Variants in KDM5A observed in about 807,000 individuals in gnomAD.
KDM5A encodes the protein lysine demethylase 5A.
KDM5A carries 42 observed loss-of-function variants against 193.5 expected under a neutral mutation model. That is an observed-to-expected ratio of 0.22 (90% CI 0.17 to 0.28). KDM5A has a LOEUF of 0.28. Ranked by LOEUF, KDM5A falls within the 10% of genes least tolerant of loss-of-function variation. KDM5A has a pLI of 1.00. For synonymous variants in KDM5A, 796 were observed against 718.1 expected (o/e 1.11, Z -1.73); for missense variants, 1,692 against 2,055.1 (o/e 0.82, Z 3.42).
At chr12:323,993 A>C (rs1457903477) in intron 14 of KDM5A, among the ~76,000 whole-genome samples, 1 of 152,202 alleles carries the variant, frequency 6.6e-6, no homozygotes, top group African/African-American at 2.4e-5. Flanking sequence ...CTAAGGATGC[A>C]CATTTGAGTG....
At chr12:344,114 C>T (rs1944040478) in intron 10 of KDM5A, among the ~76,000 whole-genome samples, 1 of 152,118 alleles carries the variant, frequency 6.6e-6, no homozygotes, top group African/African-American at 2.4e-5. Context: ...AACTTCATTA[C>T]ACATGCACAA....
At chr12:362,206 T>C (rs1944301533) in intron 5 of KDM5A, among the ~76,000 whole-genome samples, 1 of 151,238 alleles carries the variant, frequency 6.6e-6, no homozygotes, top group South Asian at 2.1e-4. Flanking sequence ...ACTTTCTCAG[T>C]CTCCAAACTT....
intron 25 of KDM5A, among the ~76,000 whole-genome samples, chr12:296,229 G>T (rs1227224435): frequency 6.6e-6 from 1 of 151,558 alleles, no homozygotes; most frequent in Non-Finnish European, 1.5e-5. Flanking sequence ...GCTGAGGGTA[G>T]GACAATCTCT....
At chr12:380,424 G>C (rs1944559937) in intron 3 of KDM5A, among the ~76,000 whole-genome samples, 1 of 151,350 alleles carries the variant, frequency 6.6e-6, no homozygotes, top group African/African-American at 2.4e-5. Flanking sequence ...ATAAAATAGA[G>C]ATAAAGATTG....
rs1943212701 is a variant in KDM5A at position 285,741 on chromosome 12, T to C, written c.4867-79A>G. On this transcript the variant is annotated intron_variant, in intron 27 of 27. Transcript: ENST00000399788. Reference sequence around the variant, plus strand: ...ATAAAAGCAAACCAAAGAGCTTTCTTGGCTTAAACAATAGCAAACAACTGG... The same window carrying C: ...ATAAAAGCAAACCAAAGAGCTTTCTCGGCTTAAACAATAGCAAACAACTGG... 4 of 1,286,758 alleles carry C rather than the reference T, an allele frequency of 3.1e-6. No individual in the cohort carries two copies. In the South Asian group the frequency reaches 3.6e-5, roughly 11 times the overall value. 79.7% of individuals were successfully genotyped at this position (1,286,758 alleles called of 1,614,324 possible). A position where few individuals can be genotyped will look rare whatever the true frequency, so the allele number is the denominator to read the frequency against.
At chr12:326,589 C>T (rs934171613) in intron 14 of KDM5A, among the ~76,000 whole-genome samples, 3 of 152,242 alleles carry the variant, frequency 2.0e-5, no homozygotes, top group South Asian at 4.1e-4. Context: ...TGGCCGGGCA[C>T]GGCGGCTCAC....
intron 10 of KDM5A, among the ~76,000 whole-genome samples, chr12:344,804 G>A (rs949305811): frequency 2.0e-5 from 3 of 152,214 alleles, no homozygotes; most frequent in African/African-American, 7.2e-5. Context: ...ACCAGCCACT[G>A]CAGAAACAAG....
In KDM5A at chr12:327,991, G is replaced by A. The variant is rs1248612317; in HGVS notation, c.1968+844C>T. ...ACTGTGCCACTGCACTCCAGCCTGG[G>A]CGACAGAGAGAGAACCCATCTTTCA... On this transcript the variant is annotated intron_variant, in intron 14 of 27. Coordinates refer to ENST00000399788, the MANE Select transcript of KDM5A (RefSeq NM_001042603.3). Among the ~76,000 whole-genome samples, 6 of 152,090 alleles carry A rather than the reference G, an allele frequency of 3.9e-5. No homozygotes were observed. The East Asian group carries it at 9.6e-4, about 24-fold the overall frequency.
intron 22 of KDM5A, among the ~76,000 whole-genome samples, chr12:308,772 A>G (rs1029134304): frequency 5.3e-5 from 8 of 152,220 alleles, no homozygotes; most frequent in Non-Finnish European, 8.8e-5. Context: ...ACTGGCTTCA[A>G]AACAGAATCA....
rs1943168098 is a variant in KDM5A, at chr12:282,543, C to T, written c.*2913G>A. On this transcript the variant is annotated 3_prime_UTR_variant, in exon 28 of 28. Transcript: ENST00000399788. ...TGGAAGAAAAATCTCCTGTCTTCTCCCCCAGCTAGAAAGCTAACTACTGGT... is the reference window on the plus strand; with the variant it reads ...TGGAAGAAAAATCTCCTGTCTTCTCTCCCAGCTAGAAAGCTAACTACTGGT... 1 of 232,976 alleles carries T rather than the reference C, an allele frequency of 4.3e-6. No individual in the cohort carries two copies. The highest frequency in any genetic ancestry group is 2.2e-5 in the African/African-American group (1 of 45,314). 14.4% of individuals were successfully genotyped at this position (232,976 alleles called of 1,614,324 possible).
rs199828211 is a variant in KDM5A, at chr12:377,503, C to CA, written c.366+6527dup. 9.3e-3 allele frequency among the ~76,000 whole-genome samples: 1,417 copies of CA among 151,798 alleles called. 31 individuals are homozygous for CA. The highest frequency in any genetic ancestry group is 0.032 in the African/African-American group (1,323 of 41,412). On this transcript the variant is annotated intron_variant, in intron 3 of 27. Coordinates refer to ENST00000399788, the MANE Select transcript of KDM5A (RefSeq NM_001042603.3). ...TAAATCTTCAAGAAAAAAAAAGTCA[C>CA]AAAAAAACAAGAATTAATATAGCAT...
At chr12:345,688 G>A (rs1162038164) in intron 10 of KDM5A, among the ~76,000 whole-genome samples, 2 of 152,088 alleles carry the variant, frequency 1.3e-5, no homozygotes, top group African/African-American at 4.8e-5. Flanking sequence ...ACGAAATGAA[G>A]GCAGAAATAA....
chr12:319,977 A>G (rs1943696008), intron 18 of KDM5A, among the ~76,000 whole-genome samples: 1 of 152,180 alleles, frequency 6.6e-6, no homozygotes, highest in South Asian at 2.1e-4. Context: ...GACTCCTAAT[A>G]TACTCCAACA....
chr12:387,355 T>G (rs1944649669), intron 1 of KDM5A: 1 of 241,440 alleles, frequency 4.1e-6, no homozygotes, highest in Non-Finnish European at 8.4e-6. Context: ...AGCATTTTTT[T>G]AAGTAAAAAA....
rs1306512293 is a variant in KDM5A, at chr12:293,279, G to A, written c.4456-110C>T. On this transcript the variant is annotated intron_variant, in intron 26 of 27. Coordinates refer to ENST00000399788, the MANE Select transcript of KDM5A (RefSeq NM_001042603.3). ...GACACATTCGGAGAGACAGAAAGTC[G>A]AACAGAGGTTACCAGAGGCTGAAGG... 63 of 924,164 alleles carry A rather than the reference G, an allele frequency of 6.8e-5. 1 individual carries two copies. In the East Asian group the frequency reaches 1.0e-3, roughly 15 times the overall value. 57.2% of individuals were successfully genotyped at this position (924,164 alleles called of 1,614,324 possible). A position where few individuals can be genotyped will look rare whatever the true frequency, so the allele number is the denominator to read the frequency against.
At position 297,119 on chromosome 12, in the gene KDM5A, C is replaced by T. The variant is rs902059067; in HGVS notation, c.4156G>A (p.Val1386Met). Residue 1386 changes from valine to methionine, a missense_variant, in exon 25 of 28, where the codon GTG becomes ATG. Transcript: ENST00000399788. ...DEEIPIKSEE[V>M]VTHMWTAPSF... The stretch of plus-strand genomic sequence containing the variant: ...GGTGCTGTCCACATGTGGGTCACCA[C>T]CTCCTCGGATTTGATGGGAATCTCT... 3 of 1,613,926 alleles carry T rather than the reference C, an allele frequency of 1.9e-6. No homozygotes were observed. The highest frequency in any genetic ancestry group is 2.2e-5 in the East Asian group (1 of 44,826).
At chr12:363,976 A>T (rs1287797136) in intron 4 of KDM5A, among the ~76,000 whole-genome samples, 1 of 152,216 alleles carries the variant, frequency 6.6e-6, no homozygotes, top group African/African-American at 2.4e-5. Context: ...TGAATATGAA[A>T]ATAGGCACAT....
rs60377454 is a variant in KDM5A, at chr12:323,210, C to CAAAAAAAAAAAAAAAAAAA, written c.2151-23_2151-5dup. 4.1e-4 allele frequency: 121 copies of CAAAAAAAAAAAAAAAAAAA among 297,138 alleles called. 9 individuals carry two copies. The highest frequency in any genetic ancestry group is 1.3e-3 in the Admixed American group (10 of 7,932). The allele number at this position is 297,138 out of a possible 1,614,324, so 18.4% of individuals were successfully genotyped here. A position where few individuals can be genotyped will look rare whatever the true frequency, so the allele number is the denominator to read the frequency against. ...GTCTTCTAATGGGTAGCGATATCTA[C>CAAAAAAAAAAAAAAAAAAA]AAAAAAAAAAAAAAAAAAAAAAAAA... On this transcript the variant is annotated splice_region_variant and splice_polypyrimidine_tract_variant and intron_variant, in intron 15 of 27. Coordinates refer to ENST00000399788, the MANE Select transcript of KDM5A (RefSeq NM_001042603.3).
chr12:307,226 A>T lies in KDM5A; in HGVS notation c.3931-137T>A. The T allele has an allele frequency of 8.9e-7, 1 of 1,120,152 alleles. No individual in the cohort carries two copies. Among genetic ancestry groups the T allele is most frequent in the African/African-American group, 1.5e-5 (1 of 64,526 alleles). 69.4% of individuals were successfully genotyped at this position (1,120,152 alleles called of 1,614,324 possible). A position where few individuals can be genotyped will look rare whatever the true frequency, so the allele number is the denominator to read the frequency against. ...GTTCTTCAACAGTTAGTAGAAATCA[A>T]ATTATTTGATTATGATGCCAAAGTC... On this transcript the variant is annotated intron_variant, in intron 23 of 27. Transcript: ENST00000399788. The surrounding 1 kb of genome is among the most constrained non-coding windows in gnomAD (Gnocchi z 4.3).
Sources: allele counts gnomAD v4.1 joint callset (sites outside exome capture counted in the v4.1 genomes callset), GRCh38; gene constraint gnomAD v4.1.1; non-coding constraint Gnocchi (gnomAD v3.1); transcripts MANE v1.5; gene names NCBI Gene and HGNC (gene_info 2026-07-23, HGNC 2026-07-21).